Variants in GRIA4 observed in about 807,000 individuals in gnomAD.
GRIA4 encodes the protein glutamate ionotropic receptor AMPA type subunit 4, also known as glutamate receptor 4.
Under a neutral mutation model 104.0 loss-of-function variants are expected in GRIA4, and 34 were observed. The ratio of observed to expected loss-of-function variants is 0.33; its 90% CI spans 0.25 to 0.44. The LOEUF (loss-of-function observed/expected upper bound fraction) is 0.44. Among genes scored for constraint, GRIA4 ranks in the 20% least tolerant of loss-of-function variants. GRIA4 has a pLI of 1.00. For missense variants in GRIA4, 750 were observed against 1,096.5 expected, an observed-to-expected ratio of 0.68 and a Z score of 4.46; for synonymous variants, 386 against 381.9, an observed-to-expected ratio of 1.01 and a Z score of -0.13.
chr11:105,625,203 C>T (rs1011722447), intron 3 of GRIA4, among the ~76,000 whole-genome samples: 2 of 151,874 alleles, frequency 1.3e-5, no homozygotes, highest in Non-Finnish European at 2.9e-5. Flanking sequence ...TCCGTGACAA[C>T]GAGGATGATA....
At chr11:105,890,992 G>A (rs986480045) in intron 6 of GRIA4, among the ~76,000 whole-genome samples, 1 of 152,178 alleles carries the variant, frequency 6.6e-6, no homozygotes, top group South Asian at 2.1e-4. Flanking sequence ...AATAGGTTAA[G>A]CTCTGTTCCA....
At chr11:105,796,727 C>G (rs1308958132) in intron 4 of GRIA4, among the ~76,000 whole-genome samples, 1 of 152,128 alleles carries the variant, frequency 6.6e-6, no homozygotes, top group East Asian at 1.9e-4. Flanking sequence ...TTAAGTAAAT[C>G]CAGGAAAATC....
At chr11:105,721,670 C>G (rs992357134) in intron 3 of GRIA4, among the ~76,000 whole-genome samples, 1 of 152,166 alleles carries the variant, frequency 6.6e-6, no homozygotes, top group African/African-American at 2.4e-5. Context: ...ATTAAACAAG[C>G]AATTACACAA....
intron 4 of GRIA4, among the ~76,000 whole-genome samples, chr11:105,814,138 C>G (rs1943285613): frequency 6.6e-6 from 1 of 152,134 alleles, no homozygotes; most frequent in Non-Finnish European, 1.5e-5. Context: ...GTGAGAGAAT[C>G]AAGGCCTTTA....
intron 4 of GRIA4, among the ~76,000 whole-genome samples, chr11:105,758,202 C>A (rs147038792): frequency 6.6e-6 from 1 of 152,094 alleles, no homozygotes; most frequent in Admixed American, 6.6e-5. Flanking sequence ...TATGATTGGG[C>A]CACTGCATTT....
chr11:105,789,952 A>C (rs768823858), intron 4 of GRIA4, among the ~76,000 whole-genome samples: 1 of 152,186 alleles, frequency 6.6e-6, no homozygotes, highest in Non-Finnish European at 1.5e-5. Flanking sequence ...ACTCCTATTT[A>C]AAATGGAATG....
At chr11:105,753,640 T>A (rs1940134710) in intron 4 of GRIA4, among the ~76,000 whole-genome samples, 1 of 152,108 alleles carries the variant, frequency 6.6e-6, no homozygotes, top group Admixed American at 6.6e-5. Context: ...CAGAGTTACG[T>A]AGCATCAGAT....
At position 105,896,593 on chromosome 11, in the gene GRIA4, A is replaced by G. The variant is rs374113080; in HGVS notation, c.727-1676A>G. Among the ~76,000 whole-genome samples the G allele has an allele frequency of 1.2e-4, 18 of 152,184 alleles. No homozygotes were observed. The South Asian group carries it at 2.5e-3, about 21-fold the overall frequency. On this transcript the variant is annotated intron_variant, in intron 6 of 16. Transcript: ENST00000282499. The stretch of plus-strand genomic sequence containing the variant: ...GTCTTTAATCTATCTTAATTTTGGT[A>G]TATGGTGAAAGGTAGGAGTTCAGTC...
intron 4 of GRIA4, among the ~76,000 whole-genome samples, chr11:105,827,820 T>C (rs1383401964): frequency 6.6e-6 from 1 of 152,062 alleles, no homozygotes; most frequent in Non-Finnish European, 1.5e-5. Flanking sequence ...TATTTTTAAA[T>C]CAACAACTTC....
chr11:105,896,568 G>A (rs1178358825), intron 6 of GRIA4, among the ~76,000 whole-genome samples: 1 of 151,938 alleles, frequency 6.6e-6, no homozygotes, highest in African/African-American at 2.4e-5. Flanking sequence ...ATCTTATGTA[G>A]TCTTTAATCT....
At chr11:105,932,279 C>T (rs970467758) in intron 13 of GRIA4, among the ~76,000 whole-genome samples, 1 of 152,056 alleles carries the variant, frequency 6.6e-6, no homozygotes, top group African/African-American at 2.4e-5. Flanking sequence ...GCTGGGACTA[C>T]AGGCATGCGC....
intron 3 of GRIA4, among the ~76,000 whole-genome samples, chr11:105,655,849 G>A (rs904452268): frequency 1.3e-5 from 2 of 152,120 alleles, no homozygotes; most frequent in African/African-American, 4.8e-5. Flanking sequence ...TATATACTCA[G>A]TAATGGTATT....
chr11:105,888,433 G>A (rs1330253397), intron 6 of GRIA4, among the ~76,000 whole-genome samples: 1 of 151,024 alleles, frequency 6.6e-6, no homozygotes, highest in Non-Finnish European at 1.5e-5. Context: ...ACAGGTGCCC[G>A]CCACTACGCC....
At chr11:105,870,491 A>G (rs1945574183) in intron 5 of GRIA4, among the ~76,000 whole-genome samples, 1 of 151,954 alleles carries the variant, frequency 6.6e-6, no homozygotes, top group Non-Finnish European at 1.5e-5. Context: ...GGAACTCTGA[A>G]TGCAAAGAAA....
intron 14 of GRIA4, among the ~76,000 whole-genome samples, chr11:105,938,068 C>A (rs1482207033): frequency 6.6e-6 from 1 of 152,076 alleles, no homozygotes; most frequent in African/African-American, 2.4e-5. Context: ...CCTCATAAGA[C>A]ACTTGGCCTT....
At chr11:105,931,049 T>C (rs539343673) in intron 13 of GRIA4, among the ~76,000 whole-genome samples, 3 of 152,248 alleles carry the variant, frequency 2.0e-5, no homozygotes, top group South Asian at 4.1e-4. Flanking sequence ...AGAGGCAATA[T>C]TTTTCAGAAC....
At chr11:105,742,007 TAAAA>T (rs1029418938) in intron 3 of GRIA4, among the ~76,000 whole-genome samples, 2 of 152,098 alleles carry the variant, frequency 1.3e-5, no homozygotes, top group Non-Finnish European at 2.9e-5. Context: ...GTGTTCATCA[TAAAA>T]AAATTAATTC....
intron 2 of GRIA4, among the ~76,000 whole-genome samples, chr11:105,611,294 G>A (rs1169229389): frequency 1.3e-5 from 2 of 151,964 alleles, no homozygotes; most frequent in South Asian, 4.1e-4. Context: ...CCACCCATGC[G>A]TTCTCAGCCC....
intron 3 of GRIA4, among the ~76,000 whole-genome samples, chr11:105,639,089 T>G (rs1327738533): frequency 6.6e-6 from 1 of 152,142 alleles, no homozygotes; most frequent in Non-Finnish European, 1.5e-5. Context: ...ATGCATCTTA[T>G]TTCCCTTTTA....
Sources: allele counts gnomAD v4.1 joint callset (sites outside exome capture counted in the v4.1 genomes callset), GRCh38; gene constraint gnomAD v4.1.1; transcripts MANE v1.5; gene names NCBI Gene and HGNC (gene_info 2026-07-23, HGNC 2026-07-21).